Variants in ZHX3 observed in about 807,000 individuals in gnomAD.
ZHX3 encodes zinc fingers and homeoboxes protein 3.
In ZHX3, 20 loss-of-function variants were observed where a neutral mutation model predicts 64.5. The observed-to-expected ratio is 0.31, with a 90% CI of 0.22 to 0.45. ZHX3 has a LOEUF of 0.45. Ranked by LOEUF, ZHX3 falls within the 20% of genes least tolerant of loss-of-function variation. ZHX3 has a pLI of 1.00. For missense variants in ZHX3, 1,041 were observed against 1,195.8 expected, an observed-to-expected ratio of 0.87 and a Z score of 1.91; for synonymous variants, 423 against 461.6, an observed-to-expected ratio of 0.92 and a Z score of 1.07.
At chr20:41,206,089 C>A (rs944163015) in intron 2 of ZHX3, among the ~76,000 whole-genome samples, 33 of 152,192 alleles carry the variant, frequency 2.2e-4, no homozygotes, top group African/African-American at 8.0e-4. Flanking sequence ...AGGGTCCTGA[C>A]TGTTAGAAGG....
At chr20:41,230,971 A>C (rs948215815) in intron 2 of ZHX3, among the ~76,000 whole-genome samples, 1 of 152,182 alleles carries the variant, frequency 6.6e-6, no homozygotes, top group African/African-American at 2.4e-5. Flanking sequence ...ATATTATAAT[A>C]TCATACAAAA....
intron 1 of ZHX3, among the ~76,000 whole-genome samples, chr20:41,280,669 G>A (rs548786844): frequency 2.5e-4 from 38 of 151,916 alleles, no homozygotes; most frequent in Admixed American, 2.2e-3. Context: ...CAACCACCTC[G>A]GCCTCCCAAA....
At chr20:41,299,866 G>A (rs6029616) in intron 1 of ZHX3, 1 of 132,326 alleles carries the variant, frequency 7.6e-6, no homozygotes, top group Non-Finnish European at 1.6e-5. Flanking sequence ...AAGGAGACTC[G>A]GTCTCAAAAA....
chr20:41,272,923 T>C (rs2043213717), intron 1 of ZHX3, among the ~76,000 whole-genome samples: 1 of 152,214 alleles, frequency 6.6e-6, no homozygotes, highest in Non-Finnish European at 1.5e-5. Context: ...ATGGTAATTC[T>C]ATACGGAACT....
chr20:41,256,825 T>C (rs2146538743), intron 2 of ZHX3, among the ~76,000 whole-genome samples: 2 of 152,024 alleles, frequency 1.3e-5, no homozygotes, highest in African/African-American at 4.8e-5. Flanking sequence ...CCTTAGCTTT[T>C]GCCATTTTTA....
At chr20:41,240,525 T>C (rs181011933) in intron 2 of ZHX3, among the ~76,000 whole-genome samples, 1 of 152,320 alleles carries the variant, frequency 6.6e-6, no homozygotes, top group Non-Finnish European at 1.5e-5. Flanking sequence ...CAAGTATTTA[T>C]CCTTTGAATT....
rs772018793 is a variant in ZHX3, at chr20:41,204,706, T to G, written c.211A>C (p.Thr71Pro). ...CAGGAATATAAATAGCCATCTAAAG[T>G]GCTCCGATGCCCATTGGCCAGTGTA... ...GSTLANGHRSTLDGYLYSCKY... is the reference protein window; with the variant it reads ...GSTLANGHRSPLDGYLYSCKY... The change falls in exon 3 of 4, where the codon ACT (threonine) becomes CCT (proline). Residue 71 changes from threonine to proline, a missense_variant. Transcript: ENST00000683867. The surrounding 1 kb of genome is among the most constrained non-coding windows in gnomAD (Gnocchi z 6.6). The G allele has an allele frequency of 1.9e-6, 3 of 1,614,268 alleles. No homozygotes were observed. In the East Asian group the frequency reaches 6.7e-5, roughly 36 times the overall value.
chr20:41,314,563 T>C (rs1034638637), intron 1 of ZHX3, among the ~76,000 whole-genome samples: 6 of 152,258 alleles, frequency 3.9e-5, no homozygotes, highest in Non-Finnish European at 8.8e-5. Context: ...TGGGAAACTT[T>C]ATACTTTTCA....
In ZHX3 at chr20:41,224,592, T is replaced by C. The variant is rs955862809; in HGVS notation, c.-150-19526A>G. ...AAAACTGAGCTAGATACAAGTTCTA[T>C]TCTCCCCCTCACAGAGGAGGACTTT... On this transcript the variant is annotated intron_variant, in intron 2 of 3. Coordinates refer to ENST00000683867, the MANE Select transcript of ZHX3 (RefSeq NM_001384317.1). The surrounding 1 kb of genome is among the most constrained non-coding windows in gnomAD (Gnocchi z 5.2). Among the ~76,000 whole-genome samples, 5 of 152,196 alleles carry C rather than the reference T, an allele frequency of 3.3e-5. No individual in the cohort carries two copies. The highest frequency in any genetic ancestry group is 4.4e-5 in the Non-Finnish European group (3 of 68,038).
chr20:41,299,822 C>T (rs1296962560), intron 1 of ZHX3: 1 of 144,014 alleles, frequency 6.9e-6, no homozygotes, highest in Non-Finnish European at 1.5e-5. Flanking sequence ...AATATTACAC[C>T]ACTGCATTCC....
intron 2 of ZHX3, among the ~76,000 whole-genome samples, chr20:41,231,248 C>T (rs1432807514): frequency 1.3e-5 from 2 of 152,172 alleles, no homozygotes; most frequent in Non-Finnish European, 1.5e-5. Flanking sequence ...TTTTAAATGA[C>T]ATATGCAGCT....
At chr20:41,313,870 A>C (rs1332430579) in intron 1 of ZHX3, among the ~76,000 whole-genome samples, 1 of 152,200 alleles carries the variant, frequency 6.6e-6, no homozygotes, top group Admixed American at 6.5e-5. Flanking sequence ...TGCTGGGATT[A>C]CAGGCATGAG....
chr20:41,263,327 C>T (rs79228631), intron 2 of ZHX3, among the ~76,000 whole-genome samples: 345 of 150,614 alleles, frequency 2.3e-3, no homozygotes, highest in African/African-American at 8.1e-3. Flanking sequence ...TCTGTGCTAC[C>T]GAAAAATAAA....
chr20:41,198,355 T>TAAAGGGAG (rs2037936207), intron 3 of ZHX3, among the ~76,000 whole-genome samples: 2 of 152,180 alleles, frequency 1.3e-5, no homozygotes, highest in Non-Finnish European at 2.9e-5. Flanking sequence ...CATGAAGGAC[T>TAAAGGGAG]CCCTTTAGCA....
intron 2 of ZHX3, among the ~76,000 whole-genome samples, chr20:41,236,850 T>A (rs868727349): frequency 2.4e-4 from 37 of 151,642 alleles, no homozygotes; most frequent in African/African-American, 8.7e-4. Context: ...TGGGAGAAAA[T>A]TTTTGCAATC....
intron 1 of ZHX3, among the ~76,000 whole-genome samples, chr20:41,285,087 T>C (rs1270097399): frequency 1.3e-5 from 2 of 152,146 alleles, no homozygotes; most frequent in African/African-American, 2.4e-5. Context: ...CTGCAAATAC[T>C]GGGTCGATGA....
chr20:41,226,393 A>G lies in ZHX3; in HGVS notation c.-150-21327T>C, dbSNP rs2040273721. Among the ~76,000 whole-genome samples, 2 of 152,166 alleles carry G rather than the reference A, an allele frequency of 1.3e-5. No individual in the cohort carries two copies. Among genetic ancestry groups the G allele is most frequent in the South Asian group, 4.1e-4 (2 of 4,828 alleles). Reference sequence around the variant, plus strand: ...ATTTCCTTTCATTTTAAGGCTAAGTAATATTCCATGATATGTATATATCAT... The same window carrying G: ...ATTTCCTTTCATTTTAAGGCTAAGTGATATTCCATGATATGTATATATCAT... On this transcript the variant is annotated intron_variant, in intron 2 of 3. Transcript: ENST00000683867. This position sits in a 1 kb window ranked among gnomAD's most constrained non-coding sequence, Gnocchi z 4.4.
rs182418425 is a variant in ZHX3, at chr20:41,283,929, A to C, written c.-244-14846T>G. On this transcript the variant is annotated intron_variant, in intron 1 of 3. Coordinates refer to ENST00000683867, the MANE Select transcript of ZHX3 (RefSeq NM_001384317.1). ...GGAGAGAAGATGAGGAGAGAAGAGA[A>C]AACCTTTTTACTCTCTGTACTTCTG... 1.0e-3 allele frequency among the ~76,000 whole-genome samples: 154 copies of C among 152,308 alleles called. 1 individual carries two copies. Among genetic ancestry groups the C allele is most frequent in the African/African-American group, 3.4e-3 (141 of 41,554 alleles).
At chr20:41,312,600 T>G (rs768781213) in intron 1 of ZHX3, among the ~76,000 whole-genome samples, 7 of 151,992 alleles carry the variant, frequency 4.6e-5, no homozygotes, top group African/African-American at 7.2e-5. Context: ...TAGAGGACAA[T>G]GGGGAGGAAG....
Sources: gnomAD v4.1 joint callset for allele counts (sites outside exome capture counted in the v4.1 genomes callset) on GRCh38, gnomAD v4.1.1 for gene constraint, Gnocchi (gnomAD v3.1) non-coding constraint, MANE v1.5 for transcripts, NCBI Gene and HGNC (gene_info 2026-07-23, HGNC 2026-07-21) for gene names.